The following MORC3 variants were observed in gnomAD, a reference collection of about 807,000 sequenced individuals.
The protein encoded by MORC3 is MORC family CW-type zinc finger protein 3.
A neutral mutation model predicts 109.1 loss-of-function variants in MORC3; 31 were observed. The ratio of observed to expected loss-of-function variants is 0.28; its 90% confidence interval spans 0.21 to 0.38. MORC3 has a LOEUF of 0.38. Ranked by LOEUF, MORC3 falls within the 10% of genes least tolerant of loss-of-function variation. MORC3 has a pLI of 1.00. For missense variants in MORC3, 867 were observed against 1,135.8 expected, an observed-to-expected ratio of 0.76 and a Z score of 3.40; for synonymous variants, 395 against 380.7, an observed-to-expected ratio of 1.04 and a Z score of -0.44.
At chr21:36,323,907 C>T (rs2085219759) in intron 1 of MORC3, among the ~76,000 whole-genome samples, 1 of 151,424 alleles carries the variant, frequency 6.6e-6, no homozygotes, top group African/African-American at 2.4e-5. Context: ...CGGAGTTTCG[C>T]TCTTGTTGCC....
intron 10 of MORC3, among the ~76,000 whole-genome samples, chr21:36,359,209 T>C (rs569832647): frequency 5.3e-5 from 8 of 152,300 alleles, no homozygotes; most frequent in Non-Finnish European, 1.0e-4. Flanking sequence ...ATTTGAAATA[T>C]TAAGTTATAG....
chr21:36,346,879 C>T (rs1171482080), intron 8 of MORC3, among the ~76,000 whole-genome samples: 2 of 150,974 alleles, frequency 1.3e-5, no homozygotes, highest in East Asian at 3.9e-4. Flanking sequence ...GGTTGTACGT[C>T]CTTGTAGTCT....
At chr21:36,354,387 C>T (rs1350737523) in intron 9 of MORC3, among the ~76,000 whole-genome samples, 1 of 147,848 alleles carries the variant, frequency 6.8e-6, no homozygotes, top group African/African-American at 2.5e-5. Context: ...TCACTGCAAC[C>T]TCCGCCTCCC....
At chr21:36,320,571 T>C in intron 1 of MORC3, 1 of 325,400 alleles carries the variant, frequency 3.1e-6, no homozygotes, top group Non-Finnish European at 5.5e-6. Flanking sequence ...TCCCTCCTAG[T>C]CTCCCAGCAG....
chr21:36,330,901 T>C (rs1197188660), intron 1 of MORC3, among the ~76,000 whole-genome samples: 1 of 152,222 alleles, frequency 6.6e-6, no homozygotes, highest in African/African-American at 2.4e-5. Context: ...TAGAAAGTCT[T>C]GAGTTACCTA....
intron 8 of MORC3, among the ~76,000 whole-genome samples, chr21:36,346,315 G>A (rs951056458): frequency 1.3e-5 from 2 of 152,178 alleles, no homozygotes; most frequent in Non-Finnish European, 2.9e-5. Context: ...CAATGCGCTC[G>A]GCCTAGTATA....
chr21:36,320,231 C>A lies in MORC3; in HGVS notation c.-34C>A. On this transcript the variant is annotated 5_prime_UTR_variant, in exon 1 of 17. Transcript: ENST00000400485. The stretch of plus-strand genomic sequence containing the variant: ...CCGCCACCTCCCAGTCGGGTTGCGG[C>A]GGAGGCCGTTCCTGGCTTTGTAGCT... The A allele has an allele frequency of 6.4e-7, 1 of 1,570,118 alleles. No homozygotes were observed.
chr21:36,369,810 G>A lies in MORC3; in HGVS notation c.2442G>A (p.Val814=). The change falls in exon 15 of 17, where the codon GTG becomes GTA. Residue 814 remains valine (V), a synonymous_variant. Transcript: ENST00000400485. ...AAAGTGAAATGGATGAGATGGCTGT[G>A]CAGCTTGACGATGTGTTTAGACAAC... The part of the protein sequence containing the change: ...ESKSEMDEMA[V]QLDDVFRQLD... 1 of 1,614,140 alleles carries A rather than the reference G, an allele frequency of 6.2e-7. No individual in the cohort carries two copies.
rs2085825935 is a variant in MORC3 at position 36,369,456 on chromosome 21, A to G, written c.2088A>G (p.Leu696=). 6.2e-7 allele frequency: 1 copy of G among 1,614,098 alleles called. No homozygotes were observed. The highest frequency in any genetic ancestry group is 1.1e-5 in the South Asian group (1 of 91,088). ...DKSADDAGCQ[L]QELRNQLLLV... ...CTGCAGATGATGCAGGCTGCCAATT[A>G]CAAGAACTGAGAAACCAGCTACTCC... The change falls in exon 15 of 17, where the codon TTA becomes TTG. Residue 696 remains leucine (L), a synonymous_variant. Transcript: ENST00000400485.
At chr21:36,333,246 C>T (rs1187300851) in intron 1 of MORC3, among the ~76,000 whole-genome samples, 2 of 152,298 alleles carry the variant, frequency 1.3e-5, no homozygotes, top group East Asian at 1.9e-4. Flanking sequence ...GCCTGATACA[C>T]GTAGGAGAAA....
At chr21:36,323,278 G>A (rs1446271630) in intron 1 of MORC3, among the ~76,000 whole-genome samples, 2 of 152,000 alleles carry the variant, frequency 1.3e-5, no homozygotes, top group African/African-American at 2.4e-5. Context: ...CTACTCTCTC[G>A]GGTTCAAATC....
chr21:36,364,689 G>A (rs1399300596), intron 14 of MORC3, among the ~76,000 whole-genome samples: 2 of 151,744 alleles, frequency 1.3e-5, no homozygotes, highest in African/African-American at 4.8e-5. Context: ...GAGTTTGATC[G>A]CATTCTCACC....
In MORC3 at chr21:36,356,950, G is replaced by A. The variant is rs571660982; in HGVS notation, c.1208+226G>A. On this transcript the variant is annotated intron_variant, in intron 10 of 16. Coordinates refer to ENST00000400485, the MANE Select transcript of MORC3 (RefSeq NM_015358.3). ...TTACCCATATGTGATGCATGTTAAT[G>A]TTATTTCATTTTAAGATGCTATGGA... Among the ~76,000 whole-genome samples, 3 of 152,262 alleles carry A rather than the reference G, an allele frequency of 2.0e-5. No individual in the cohort carries two copies. The South Asian group carries it at 6.2e-4, about 32-fold the overall frequency.
chr21:36,320,464 A>G (rs1347770094), intron 1 of MORC3, 161 bp downstream of exon 1: 2 of 619,166 alleles, frequency 3.2e-6, no homozygotes, highest in South Asian at 6.5e-5. Flanking sequence ...CCGTCGGCGG[A>G]ACAGCTCGGC....
chr21:36,356,475 A>G (rs1477875823), intron 9 of MORC3, 145 bp from the exon 10 acceptor site: 2 of 385,252 alleles, frequency 5.2e-6, no homozygotes, highest in Non-Finnish European at 9.5e-6. Context: ...GTGTTGTTCA[A>G]GGGTCACCTA....
rs2085822340 is a variant in MORC3 at position 36,369,321 on chromosome 21, A to G, written c.1953A>G (p.Lys651=). The change falls in exon 15 of 17, where the codon AAA becomes AAG. Residue 651 remains lysine (K), a synonymous_variant. Transcript: ENST00000400485. ...QTEVPSLVVK[K]EETVEDEIDV... is the part of the protein sequence containing the mutation. ...AAGTACCAAGTTTAGTTGTTAAAAA[A>G]GAAGAAACTGTTGAAGACGAGATAG... 2 of 1,614,094 alleles carry G rather than the reference A, an allele frequency of 1.2e-6. No homozygotes were observed. The highest frequency in any genetic ancestry group is 2.2e-5 in the South Asian group (2 of 91,084).
intron 16 of MORC3, among the ~76,000 whole-genome samples, chr21:36,373,537 C>A (rs919909071): frequency 6.6e-6 from 1 of 151,888 alleles, no homozygotes; most frequent in Non-Finnish European, 1.5e-5. Flanking sequence ...GCAGGAGAAT[C>A]GCTTGAACCT....
chr21:36,333,809 GTC>G (rs1205902175), intron 2 of MORC3, 91 bp downstream of exon 2: 8 of 1,045,912 alleles, frequency 7.6e-6, no homozygotes, highest in Middle Eastern at 2.9e-4. Context: ...TTTAAACAGA[GTC>G]TCTCTCTGTC....
At chr21:36,353,163 C>T (rs1378071567) in intron 9 of MORC3, among the ~76,000 whole-genome samples, 1 of 151,002 alleles carries the variant, frequency 6.6e-6, no homozygotes, top group African/African-American at 2.4e-5. Context: ...TCGAGACCAT[C>T]CTGGCTAACA....
Sources: allele counts gnomAD v4.1 joint callset (sites outside exome capture counted in the v4.1 genomes callset), GRCh38; gene constraint gnomAD v4.1.1; transcripts MANE v1.5; gene names NCBI Gene and HGNC (gene_info 2026-07-23, HGNC 2026-07-21).